The following TSC1 variants were observed in gnomAD, a reference collection of about 807,000 sequenced individuals.
TSC1 encodes the protein TSC complex subunit 1, also known as hamartin.
TSC1 carries 20 observed loss-of-function variants against 124.3 expected under a neutral mutation model. The observed-to-expected ratio is 0.16, with a 90% CI of 0.11 to 0.23. TSC1 has a LOEUF of 0.23. TSC1 is among the 10% of genes least tolerant of loss of function. The pLI is 1.00. For synonymous variants in TSC1, 493 were observed against 539.1 expected, an observed-to-expected ratio of 0.91 and a Z score of 1.19; for missense variants, 1,124 against 1,448.5, an observed-to-expected ratio of 0.78 and a Z score of 3.64.
intron 4 of TSC1, chr9:132,926,489 G>A (rs1469480769): frequency 1.9e-5 from 3 of 154,222 alleles, no homozygotes; most frequent in Non-Finnish European, 4.3e-5. Context: ...AAACATGAAG[G>A]AGCCCTCCAA....
At position 132,907,404 on chromosome 9, in the gene TSC1, G is replaced by A. The variant is rs1419825282; in HGVS notation, c.1264-34C>T. ...ATAAGTATCATTTATATCACAAGAC[G>A]AAAAATGTTGCACATGTTCTCGAGC... On this transcript the variant is annotated intron_variant, in intron 12 of 22. Transcript: ENST00000298552. 4.5e-6 allele frequency: 7 copies of A among 1,540,520 alleles called. 1 individual carries two copies. The highest frequency in any genetic ancestry group is 4.5e-5 in the East Asian group (2 of 44,528).
At chr9:132,899,998 TAA>T (rs1224645460) in intron 20 of TSC1, 1 of 152,340 alleles carries the variant, frequency 6.6e-6, no homozygotes, top group African/African-American at 2.4e-5. Context: ...AGCCAAGAAA[TAA>T]AGAGTAACTC....
intron 1 of TSC1, chr9:132,943,818 G>C (rs962629076): frequency 1.3e-5 from 2 of 152,178 alleles, no homozygotes; most frequent in African/African-American, 2.4e-5. Flanking sequence ...CTCTTTAACA[G>C]GAAACACAAA....
chr9:132,930,291 C>A (rs909153676), intron 2 of TSC1, among the ~76,000 whole-genome samples: 2 of 151,898 alleles, frequency 1.3e-5, no homozygotes, highest in Non-Finnish European at 1.5e-5. Flanking sequence ...AAGCTGAGGC[C>A]GGATGTAGTG....
At chr9:132,915,014 TACAACAACA>T (rs200477504) in intron 8 of TSC1, among the ~76,000 whole-genome samples, 1 of 151,656 alleles carries the variant, frequency 6.6e-6, no homozygotes, top group East Asian at 1.9e-4. Flanking sequence ...ACCCCATCTC[TACAACAACA>T]ACAACAACAA....
chr9:132,933,502 T>G (rs1847310275), intron 2 of TSC1, among the ~76,000 whole-genome samples: 2 of 152,226 alleles, frequency 1.3e-5, no homozygotes, highest in South Asian at 4.1e-4. Context: ...TTTTAGTAAT[T>G]GAAGAGTAAG....
Position 132,896,336 on chromosome 9 carries a change from G to A in TSC1, c.3394C>T (p.Pro1132Ser), listed in dbSNP as rs1249897804. Residue 1132 changes from proline (P) to serine (S), a missense_variant, in exon 23 of 23, where the codon CCC (proline) becomes TCC (serine). By Grantham distance (74) the Pro-to-Ser change is moderately conservative (BLOSUM62 -1). Transcript: ENST00000298552. The surrounding 1 kb of genome is among the most constrained non-coding windows in gnomAD (Gnocchi z 4.5). ...GKDLGVEAKI[P>S]LNLDGPHPSP... The stretch of plus-strand genomic sequence containing the variant: ...GGGTGAGGGCCATCTAGGTTCAGGG[G>A]AATCTTGGCTTCCACACCCAAGTCT... 2 of 1,614,198 alleles carry A rather than the reference G, an allele frequency of 1.2e-6. No individual in the cohort carries two copies. Among genetic ancestry groups the A allele is most frequent in the Admixed American group, 3.3e-5 (2 of 60,026 alleles).
At chr9:132,942,927 T>G (rs1003636742) in intron 1 of TSC1, among the ~76,000 whole-genome samples, 3 of 152,120 alleles carry the variant, frequency 2.0e-5, no homozygotes, top group African/African-American at 4.8e-5. Context: ...GCATGACTGT[T>G]AAAGGTGCAT....
Position 132,896,605 on chromosome 9 carries a change from C to T in TSC1, c.3125G>A (p.Ser1042Asn), listed in dbSNP as rs148931779. The change falls in exon 23 of 23, where the codon AGC (serine) becomes AAC (asparagine). Residue 1042 changes from serine (S) to asparagine (N), a missense_variant. Ser to Asn is a conservative substitution (Grantham distance 46). Coordinates refer to ENST00000298552, the MANE Select transcript of TSC1 (RefSeq NM_000368.5). This position sits in a 1 kb window ranked among gnomAD's most constrained non-coding sequence, Gnocchi z 4.5. Reference sequence around the variant, plus strand: ...TTTCTCTGGGGTAGAAAGCTCGCTGCTGCTGCTGCTGCTGCCTCCACCACC... The same window carrying T: ...TTTCTCTGGGGTAGAAAGCTCGCTGTTGCTGCTGCTGCTGCCTCCACCACC... Reference protein sequence around the residue: ...SRGGGGSSSSSSELSTPEKPP... With the variant: ...SRGGGGSSSSNSELSTPEKPP... 6.8e-6 allele frequency: 11 copies of T among 1,613,426 alleles called. No homozygotes were observed. The Admixed American group carries it at 8.3e-5, about 12-fold the overall frequency.
intron 1 of TSC1, chr9:132,941,029 T>C (rs901572613): frequency 5.3e-5 from 8 of 152,176 alleles, no homozygotes; most frequent in Admixed American, 5.2e-4. Flanking sequence ...TGTCCTTTGT[T>C]ACTCCAACAC....
At chr9:132,940,923 G>A (rs1847704553) in intron 1 of TSC1, 1 of 152,190 alleles carries the variant, frequency 6.6e-6, no homozygotes, top group Non-Finnish European at 1.5e-5. Context: ...CAAAGTAGCA[G>A]AGTCTTAATG....
At chr9:132,944,200 G>A (rs777584403) in intron 1 of TSC1, among the ~76,000 whole-genome samples, 1 of 151,956 alleles carries the variant, frequency 6.6e-6, no homozygotes, top group Non-Finnish European at 1.5e-5. Flanking sequence ...GCGTGAACCT[G>A]TCACCCCACC....
intron 6 of TSC1, among the ~76,000 whole-genome samples, chr9:132,922,245 CCCT>C (rs1846609180): frequency 6.6e-6 from 1 of 152,212 alleles, no homozygotes; most frequent in Admixed American, 6.5e-5. Flanking sequence ...CTAACTTCTG[CCCT>C]CCTCTTCAGC....
At chr9:132,912,494 T>TA in intron 8 of TSC1, 37 bp from the exon 9 acceptor site, 1 of 1,612,352 alleles carries the variant, frequency 6.2e-7, no homozygotes, top group Non-Finnish European at 8.5e-7. Context: ...ATGCAAACTG[T>TA]AATCAACTGA....
rs1036192689 is a variant in TSC1 at position 132,896,851 on chromosome 9, G to A, written c.2976-97C>T. ...ACTGACACTCACTCACACTGACACT[G>A]AACTCCGCTAGCCCACTCTCTGTTT... On this transcript the variant is annotated intron_variant, in intron 22 of 22. Transcript: ENST00000298552. This position sits in a 1 kb window ranked among gnomAD's most constrained non-coding sequence, Gnocchi z 4.5. The A allele has an allele frequency of 1.1e-5, 17 of 1,568,460 alleles. No individual in the cohort carries two copies. Among genetic ancestry groups the A allele is most frequent in the Middle Eastern group, 1.8e-4 (1 of 5,686 alleles).
chr9:132,909,258 A>T (rs546921828), intron 12 of TSC1, among the ~76,000 whole-genome samples: 1 of 152,290 alleles, frequency 6.6e-6, no homozygotes, highest in African/African-American at 2.4e-5. Context: ...CGTATCATAC[A>T]TTGGACACTC....
intron 3 of TSC1, among the ~76,000 whole-genome samples, chr9:132,927,833 CT>C (rs1324526630): frequency 6.6e-6 from 1 of 152,114 alleles, no homozygotes; most frequent in Non-Finnish European, 1.5e-5. Context: ...CCCTTTATTG[CT>C]TTTTTAATTA....
In TSC1 at chr9:132,897,172, C is replaced by A. The variant is rs1222204401; in HGVS notation, c.2975+12G>T. ...TTAGTCCCAAGGTCATGAATCAGTT[C>A]TTTGTTCCTACCTTTCTTCTGCTGC... On this transcript the variant is annotated intron_variant, in intron 22 of 22. Transcript: ENST00000298552. 6.2e-7 allele frequency: 1 copy of A among 1,613,996 alleles called. No homozygotes were observed. The highest frequency in any genetic ancestry group is 2.2e-5 in the East Asian group (1 of 44,882).
chr9:132,901,667 C>T lies in TSC1; in HGVS notation c.2424G>A (p.Ala808=), dbSNP rs200651872. The T allele has an allele frequency of 3.0e-5, 48 of 1,613,914 alleles. No individual in the cohort carries two copies. The highest frequency in any genetic ancestry group is 3.9e-5 in the Non-Finnish European group (46 of 1,180,020). ...CCTTCTTCAGTTCTATCCGCAGCTC[C>T]GCAATCATGTTCCTGCAGTCCTCCA... is the stretch of plus-strand genomic sequence containing the variant. ...TKLEDCRNMI[A]ELRIELKKAN... The change falls in exon 19 of 23, where the codon GCG becomes GCA. Residue 808 remains alanine, a synonymous_variant. Coordinates refer to ENST00000298552, the MANE Select transcript of TSC1 (RefSeq NM_000368.5).
Sources: allele counts gnomAD v4.1 joint callset (sites outside exome capture counted in the v4.1 genomes callset), GRCh38; gene constraint gnomAD v4.1.1; non-coding constraint Gnocchi (gnomAD v3.1); transcripts MANE v1.5; gene names NCBI Gene and HGNC (gene_info 2026-07-23, HGNC 2026-07-21).